Variants in EVC2 observed in about 807,000 individuals in gnomAD.
The protein encoded by EVC2 is EvC ciliary complex subunit 2, also known as limbin.
EVC2 carries 148 observed loss-of-function variants against 149.3 expected under a neutral mutation model. That is an observed-to-expected ratio of 0.99 (90% CI 0.87 to 1.14). EVC2 has a LOEUF of 1.14. EVC2 is among the 50% of genes most tolerant of loss of function. The pLI is 0.00. For missense variants in EVC2, 1,854 were observed against 1,627.3 expected (o/e 1.14, Z -2.40); for synonymous variants, 776 against 649.9 (o/e 1.19, Z -2.95).
chr4:5,561,045 C>T (rs1323937112), downstream of EVC2, among the ~76,000 whole-genome samples: 2 of 152,204 alleles, frequency 1.3e-5, no homozygotes, highest in Non-Finnish European at 2.9e-5. Context: ...GCACCTCCTG[C>T]TGTTGCTAAC....
chr4:5,582,026 C>T (rs1440222257), intron 17 of EVC2, among the ~76,000 whole-genome samples: 2 of 152,226 alleles, frequency 1.3e-5, no homozygotes, highest in East Asian at 1.9e-4. Context: ...ATGGAAAAGT[C>T]ACAATGTCCA....
At chr4:5,591,579 T>G (rs893430314) in intron 16 of EVC2, among the ~76,000 whole-genome samples, 1 of 152,230 alleles carries the variant, frequency 6.6e-6, no homozygotes. Context: ...TTTATGTAAA[T>G]GCATGAATAA....
intron 13 of EVC2, among the ~76,000 whole-genome samples, chr4:5,624,187 G>A (rs1469244010): frequency 6.6e-6 from 1 of 152,006 alleles, no homozygotes; most frequent in African/African-American, 2.4e-5. Flanking sequence ...CCCCGTGGTG[G>A]GAAAAAAATT....
chr4:5,630,952 A>G (rs1312310091), intron 11 of EVC2, among the ~76,000 whole-genome samples: 1 of 152,222 alleles, frequency 6.6e-6, no homozygotes, highest in Non-Finnish European at 1.5e-5. Flanking sequence ...GCCAAACAAC[A>G]AAGTGCATTC....
chr4:5,543,743 C>A (rs543370438), intron 21 of EVC2, among the ~76,000 whole-genome samples: 1 of 152,034 alleles, frequency 6.6e-6, no homozygotes, highest in Non-Finnish European at 1.5e-5. Flanking sequence ...TCAGGGGAAC[C>A]GGAGAGGGAA....
intron 7 of EVC2, among the ~76,000 whole-genome samples, chr4:5,675,967 G>A (rs1577238707): frequency 6.6e-6 from 1 of 152,172 alleles, no homozygotes; most frequent in African/African-American, 2.4e-5. Context: ...AACAAAATTA[G>A]TATTGGAATT....
chr4:5,679,267 ACT>A lies in EVC2; in HGVS notation c.870+1991_870+1992del, dbSNP rs1720188219. On this transcript the variant is annotated intron_variant, in intron 7 of 21. Transcript: ENST00000344408. The surrounding 1 kb of genome is among the most constrained non-coding windows in gnomAD (Gnocchi z 5.1). ...TTTATTTATGTTGAGACAGAGTCTC[ACT>A]CTGTTAACCAGGCTGGAGTGCAGTG... Among the ~76,000 whole-genome samples, 1 of 151,746 alleles carries A rather than the reference ACT, an allele frequency of 6.6e-6. No homozygotes were observed. Among genetic ancestry groups the A allele is most frequent in the South Asian group, 2.1e-4 (1 of 4,800 alleles).
At chr4:5,681,220 G>C (rs1454806943) in intron 7 of EVC2, 40 bp downstream of exon 7, 1 of 1,611,536 alleles carries the variant, frequency 6.2e-7, no homozygotes, top group South Asian at 1.1e-5. Context: ...CACAGCACAG[G>C]TGTGTCCTGA....
chr4:5,561,060 T>C (rs1721936060), downstream of EVC2, among the ~76,000 whole-genome samples: 1 of 152,228 alleles, frequency 6.6e-6, no homozygotes, highest in Non-Finnish European at 1.5e-5. Flanking sequence ...GCTAACAGCC[T>C]CTTCAATCAG....
At chr4:5,680,244 T>A (rs894143857) in intron 7 of EVC2, among the ~76,000 whole-genome samples, 1 of 152,186 alleles carries the variant, frequency 6.6e-6, no homozygotes, top group Non-Finnish European at 1.5e-5. Context: ...AAAGTATGTA[T>A]AGTAAATACG....
In EVC2 at chr4:5,618,369, G is replaced by A; in HGVS notation, c.2706+109C>T. 1.7e-6 allele frequency: 2 copies of A among 1,202,784 alleles called. No homozygotes were observed. Among genetic ancestry groups the A allele is most frequent in the East Asian group, 2.4e-5 (1 of 41,416 alleles). 74.5% of individuals were successfully genotyped at this position (1,202,784 alleles called of 1,614,324 possible). ...TGCAGCCAGAGAGGAGAGGATAGGG[G>A]AGCATGAGGTGAGATGGGCTCAGGC... On this transcript the variant is annotated intron_variant, in intron 15 of 21. Transcript: ENST00000344408. The surrounding 1 kb of genome is among the most constrained non-coding windows in gnomAD (Gnocchi z 4.4).
intron 19 of EVC2, among the ~76,000 whole-genome samples, chr4:5,572,063 T>C (rs1722675590): frequency 6.6e-6 from 1 of 152,214 alleles, no homozygotes; most frequent in Non-Finnish European, 1.5e-5. Flanking sequence ...AATAAATCTC[T>C]TTCTCTACAG....
At chr4:5,646,403 T>G (rs1018951766) in intron 9 of EVC2, among the ~76,000 whole-genome samples, 1 of 152,170 alleles carries the variant, frequency 6.6e-6, no homozygotes, top group African/African-American at 2.4e-5. Context: ...AATGGCTTTT[T>G]TTTCCTTGGG....
At chr4:5,680,589 T>C (rs1027753620) in intron 7 of EVC2, among the ~76,000 whole-genome samples, 27 of 152,206 alleles carry the variant, frequency 1.8e-4, no homozygotes, top group Admixed American at 1.8e-3. Context: ...TTGGGGACCC[T>C]GACATTCTAG....
At chr4:5,573,403 G>C (rs1040903343) in intron 19 of EVC2, among the ~76,000 whole-genome samples, 1 of 152,188 alleles carries the variant, frequency 6.6e-6, no homozygotes, top group African/African-American at 2.4e-5. Flanking sequence ...AAGGGCCAGA[G>C]AGATGCAATT....
At position 5,665,618 on chromosome 4, in the gene EVC2, C is replaced by T. The variant is rs142952894; in HGVS notation, c.902G>A (p.Gly301Glu). 2.5e-6 allele frequency: 4 copies of T among 1,614,064 alleles called. No homozygotes were observed. The African/African-American group carries it at 5.3e-5, about 22-fold the overall frequency. Residue 301 changes from glycine (G) to glutamate (E), a missense_variant, in exon 8 of 22, where the codon GGG becomes GAG. Physicochemically the swap from Gly to Glu is moderately conservative, Grantham distance 98. Coordinates refer to ENST00000344408, the MANE Select transcript of EVC2 (RefSeq NM_147127.5). ...VLPHHGLHAA[G>E]FFIAFLLSLV... ...GGAGAGGAGGAAGGCAATGAAGAAC[C>T]CTGCTGCGTGGAGGCCGTGGTGCGG...
chr4:5,611,894 A>C (rs967998286), intron 16 of EVC2, among the ~76,000 whole-genome samples: 1 of 152,206 alleles, frequency 6.6e-6, no homozygotes, highest in African/African-American at 2.4e-5. Flanking sequence ...TTCTCTGATT[A>C]CAGATTAGCC....
At chr4:5,661,079 G>A (rs1400439836) in intron 9 of EVC2, among the ~76,000 whole-genome samples, 1 of 152,194 alleles carries the variant, frequency 6.6e-6, no homozygotes, top group Non-Finnish European at 1.5e-5. Context: ...TCATCTTGAT[G>A]ATTCCAAATT....
At chr4:5,546,859 G>A (rs1721632379) in intron 21 of EVC2, among the ~76,000 whole-genome samples, 1 of 152,178 alleles carries the variant, frequency 6.6e-6, no homozygotes, top group Non-Finnish European at 1.5e-5. Flanking sequence ...ACTCCATGGA[G>A]CTGGTGGGAG....
Sources: allele counts gnomAD v4.1 joint callset (sites outside exome capture counted in the v4.1 genomes callset), GRCh38; gene constraint gnomAD v4.1.1; non-coding constraint Gnocchi (gnomAD v3.1); transcripts MANE v1.5; gene names NCBI Gene and HGNC (gene_info 2026-07-23, HGNC 2026-07-21).